The following LRRC19 variants were observed in gnomAD, a reference collection of about 807,000 sequenced individuals.
LRRC19 encodes the protein leucine rich repeat containing 19, also known as leucine-rich repeat-containing protein 19.
A neutral mutation model predicts 33.3 loss-of-function variants in LRRC19; 33 were observed. The observed-to-expected ratio is 0.99, with a 90% CI of 0.75 to 1.33. The LOEUF (loss-of-function observed/expected upper bound fraction) is 1.33. Among genes scored for constraint, LRRC19 ranks in the 40% most tolerant of loss-of-function variants. The probability of loss-of-function intolerance (pLI) is 0.00; values close to 1 mark genes in which losing one functional copy is unlikely to be tolerated. For synonymous variants in LRRC19, 184 were observed against 152.3 expected (o/e 1.21, Z -1.53); for missense variants, 463 against 417.3 (o/e 1.11, Z -0.95).
rs535957398 is a variant in LRRC19 at position 26,996,465 on chromosome 9, G to A, written c.630C>T (p.Asn210=). The A allele has an allele frequency of 1.1e-5, 17 of 1,534,414 alleles. No homozygotes were observed. The East Asian group carries it at 3.0e-4, about 27-fold the overall frequency. The part of the protein sequence containing the change: ...NENITMCSYP[N]SLQSYNIKTV... ...TTTTGATATTGTAGCTCTGCAGGCT[G>A]TTGGGGTAGCTACACATGGTGATGT... Residue 210 remains asparagine (N), a synonymous_variant, in exon 4 of 5, where the codon AAC becomes AAT. Coordinates refer to ENST00000380055, the MANE Select transcript of LRRC19 (RefSeq NM_022901.3).
chr9:26,995,700 C>T lies in LRRC19; in HGVS notation c.934G>A (p.Glu312Lys). The change falls in exon 5 of 5, where the codon GAA becomes AAA. Residue 312 changes from glutamate (E) to lysine (K), a missense_variant. Transcript: ENST00000380055. ...AAACCATCTTCATAGGTTTCTGCTT[C>T]ATGCTCTTCCAGGCGATGATGATTA... ...SYNHHRLEEH[E>K]AETYEDGFTG... 1 of 1,613,886 alleles carries T rather than the reference C, an allele frequency of 6.2e-7. No homozygotes were observed. The highest frequency in any genetic ancestry group is 8.5e-7 in the Non-Finnish European group (1 of 1,179,894).
intron 1 of LRRC19, among the ~76,000 whole-genome samples, chr9:27,005,220 C>A (rs1828704513): frequency 6.6e-6 from 1 of 151,622 alleles, no homozygotes; most frequent in African/African-American, 2.4e-5. Context: ...CTTCAATAAT[C>A]ATCAACTCAT....
intron 1 of LRRC19, among the ~76,000 whole-genome samples, chr9:27,004,111 T>A (rs1017410043): frequency 1.3e-4 from 20 of 152,156 alleles, no homozygotes; most frequent in African/African-American, 4.6e-4. Flanking sequence ...AGTTAAAAGT[T>A]GATATGAAAT....
rs781601799 is a variant in LRRC19, at chr9:26,997,994, T to C, written c.329A>G (p.Tyr110Cys). 6.2e-6 allele frequency: 10 copies of C among 1,613,950 alleles called. No individual in the cohort carries two copies. Among genetic ancestry groups the C allele is most frequent in the Non-Finnish European group, 8.5e-6 (10 of 1,179,946 alleles). ...EILNICRNSIYVIQQGAFLGL... is the reference protein window; with the variant it reads ...EILNICRNSICVIQQGAFLGL... ...TAAAAATGCACCCTGTTGAATTACA[T>C]AGATGGAGTTTCTACAGATATTTAA... is the stretch of plus-strand genomic sequence containing the variant. Residue 110 changes from tyrosine (Y) to cysteine (C), a missense_variant, in exon 3 of 5, where the codon TAT (tyrosine) becomes TGT (cysteine). Tyr to Cys is a radical substitution (Grantham distance 194). Transcript: ENST00000380055.
chr9:27,003,585 C>T (rs1469030124), intron 1 of LRRC19, among the ~76,000 whole-genome samples: 2 of 152,078 alleles, frequency 1.3e-5, no homozygotes, highest in Admixed American at 6.5e-5. Context: ...TAAAGTCTCT[C>T]GCCTCGTTAG....
In LRRC19 at chr9:26,997,912, A is replaced by G. The variant is rs746008174; in HGVS notation, c.411T>C (p.Asn137=). The change falls in exon 3 of 5, where the codon AAT becomes AAC. Residue 137 remains asparagine (N), a synonymous_variant. Transcript: ENST00000380055. The stretch of plus-strand genomic sequence containing the variant: ...TTCTTAGAGGCACAAATACATCAGC[A>G]TTCAGTTGTTCTATTTTGTTTTGGC... ...YLCQNKIEQL[N]ADVFVPLRSL... The G allele has an allele frequency of 6.2e-7, 1 of 1,614,108 alleles. No individual in the cohort carries two copies. The highest frequency in any genetic ancestry group is 8.5e-7 in the Non-Finnish European group (1 of 1,179,996).
At position 26,995,713 on chromosome 9, in the gene LRRC19, G is replaced by A. The variant is rs1396722474; in HGVS notation, c.921C>T (p.Arg307=). The part of the protein sequence containing the change: ...YNILLSYNHH[R]LEEHEAETYE... ...AGGTTTCTGCTTCATGCTCTTCCAGGCGATGATGATTATAACTAAGCAGAA... is the reference window on the plus strand; with the variant it reads ...AGGTTTCTGCTTCATGCTCTTCCAGACGATGATGATTATAACTAAGCAGAA... Residue 307 remains arginine, a synonymous_variant, in exon 5 of 5, where the codon CGC becomes CGT. Transcript: ENST00000380055. 13 of 1,613,806 alleles carry A rather than the reference G, an allele frequency of 8.1e-6. No individual in the cohort carries two copies. The highest frequency in any genetic ancestry group is 1.1e-5 in the Non-Finnish European group (13 of 1,179,880).
rs1389538704 is a variant in LRRC19 at position 26,995,130 on chromosome 9, A to G, written c.*391T>C. Reference sequence around the variant, plus strand: ...CACTTTGACTTCCATATATTAATAAATCCTAAACTTTTATTTCTTTACTGA... The same window carrying G: ...CACTTTGACTTCCATATATTAATAAGTCCTAAACTTTTATTTCTTTACTGA... On this transcript the variant is annotated 3_prime_UTR_variant, in exon 5 of 5. Coordinates refer to ENST00000380055, the MANE Select transcript of LRRC19 (RefSeq NM_022901.3). The G allele has an allele frequency of 1.3e-5, 2 of 154,442 alleles. No homozygotes were observed. Among genetic ancestry groups the G allele is most frequent in the African/African-American group, 4.8e-5 (2 of 41,506 alleles). The allele number at this position is 154,442 out of a possible 1,614,324, so 9.6% of individuals were successfully genotyped here.
Position 26,995,694 on chromosome 9 carries a change from C to G in LRRC19, c.940G>C (p.Glu314Gln). Reference protein sequence around the residue: ...NHHRLEEHEAETYEDGFTGNP... With the variant: ...NHHRLEEHEAQTYEDGFTGNP... ...CCAGTAAAACCATCTTCATAGGTTT[C>G]TGCTTCATGCTCTTCCAGGCGATGA... Residue 314 changes from glutamate (E) to glutamine (Q), a missense_variant, in exon 5 of 5, where the codon GAA (glutamate) becomes CAA (glutamine). Transcript: ENST00000380055. 1 of 1,613,876 alleles carries G rather than the reference C, an allele frequency of 6.2e-7. No homozygotes were observed. The highest frequency in any genetic ancestry group is 1.1e-5 in the South Asian group (1 of 91,074).
chr9:26,993,649 A>C lies in LRRC19; in HGVS notation c.*1872T>G, dbSNP rs1418653311. Reference sequence around the variant, plus strand: ...TCTAAGGAATTGTCAAGTACATACAAATTTTTAAAACTTTATTATATACAT... The same window carrying C: ...TCTAAGGAATTGTCAAGTACATACACATTTTTAAAACTTTATTATATACAT... On this transcript the variant is annotated 3_prime_UTR_variant, in exon 5 of 5. Coordinates refer to ENST00000380055, the MANE Select transcript of LRRC19 (RefSeq NM_022901.3). 6.6e-6 allele frequency: 1 copy of C among 152,360 alleles called. No homozygotes were observed. 9.4% of individuals were successfully genotyped at this position (152,360 alleles called of 1,614,324 possible). A position where few individuals can be genotyped will look rare whatever the true frequency, so the allele number is the denominator to read the frequency against.
At position 26,996,494 on chromosome 9, in the gene LRRC19, C is replaced by T; in HGVS notation, c.601G>A (p.Glu201Lys). ...GGGTAGCTACACATGGTGATGTTCTCATTTTCTAGTAAATCAGAAAGAATA... is the reference window on the plus strand; with the variant it reads ...GGGTAGCTACACATGGTGATGTTCTTATTTTCTAGTAAATCAGAAAGAATA... Reference protein sequence around the residue: ...LNTSNVTLENENITMCSYPNS... With the variant: ...LNTSNVTLENKNITMCSYPNS... Residue 201 changes from glutamate (E) to lysine (K), a missense_variant, in exon 4 of 5, where the codon GAG (glutamate) becomes AAG (lysine). By Grantham distance (56) the Glu-to-Lys change is moderately conservative. Transcript: ENST00000380055. 1 of 1,431,604 alleles carries T rather than the reference C, an allele frequency of 7.0e-7. No individual in the cohort carries two copies. The highest frequency in any genetic ancestry group is 1.4e-5 in the African/African-American group (1 of 69,706). 88.7% of individuals were successfully genotyped at this position (1,431,604 alleles called of 1,614,324 possible). A position where few individuals can be genotyped will look rare whatever the true frequency, so the allele number is the denominator to read the frequency against.
intron 1 of LRRC19, among the ~76,000 whole-genome samples, chr9:27,005,373 A>C (rs1353900737): frequency 1.2e-5 from 1 of 80,620 alleles, no homozygotes; most frequent in Non-Finnish European, 2.2e-5. Flanking sequence ...CCCCCGCAAA[A>C]CAATTACTTA....
chr9:26,999,211 G>A (rs1828340710), intron 2 of LRRC19, among the ~76,000 whole-genome samples: 1 of 152,162 alleles, frequency 6.6e-6, no homozygotes, highest in South Asian at 2.1e-4. Flanking sequence ...TTACTGAACA[G>A]TAAACTAAGA....
rs1425478483 is a variant in LRRC19, at chr9:26,994,117, C to T, written c.*1404G>A. On this transcript the variant is annotated 3_prime_UTR_variant, in exon 5 of 5. Transcript: ENST00000380055. Reference sequence around the variant, plus strand: ...CGTTCTTTGGAATGTTATTGAACTACGAGCTCTTAGTAGATGTAACTGAAA... The same window carrying T: ...CGTTCTTTGGAATGTTATTGAACTATGAGCTCTTAGTAGATGTAACTGAAA... 6.6e-6 allele frequency: 1 copy of T among 152,174 alleles called. No homozygotes were observed. The highest frequency in any genetic ancestry group is 2.4e-5 in the African/African-American group (1 of 41,452). 9.4% of individuals were successfully genotyped at this position (152,174 alleles called of 1,614,324 possible).
rs1354387689 is a variant in LRRC19, at chr9:26,993,384, T to C, written c.*2137A>G. 2 of 152,442 alleles carry C rather than the reference T, an allele frequency of 1.3e-5. No individual in the cohort carries two copies. Among genetic ancestry groups the C allele is most frequent in the Non-Finnish European group, 2.9e-5 (2 of 68,006 alleles). The allele number at this position is 152,442 out of a possible 1,614,324, so 9.4% of individuals were successfully genotyped here. ...TATAATTAAGGTTTAAAACAAAGTA[T>C]AATTGATATATAAAGAAACATTAGC... On this transcript the variant is annotated 3_prime_UTR_variant, in exon 5 of 5. Transcript: ENST00000380055.
In LRRC19 at chr9:26,997,257, AGGAGAGCATCT is replaced by A. The variant is rs1828207257; in HGVS notation, c.595+460_595+470del. ...TAATTTTTCCCCCTGGTAATGGGGA[AGGAGAGCATCT>A]ATGCAGCTGTTACTTTTTAGTGTTT... On this transcript the variant is annotated intron_variant, in intron 3 of 4. Coordinates refer to ENST00000380055, the MANE Select transcript of LRRC19 (RefSeq NM_022901.3). Among the ~76,000 whole-genome samples the A allele has an allele frequency of 1.4e-4, 22 of 151,920 alleles. 1 individual carries two copies. The South Asian group carries it at 4.6e-3, about 32-fold the overall frequency.
At position 26,993,861 on chromosome 9, in the gene LRRC19, C is replaced by T. The variant is rs755791202; in HGVS notation, c.*1660G>A. 7.2e-5 allele frequency: 11 copies of T among 152,034 alleles called. No homozygotes were observed. Among genetic ancestry groups the T allele is most frequent in the Non-Finnish European group, 1.6e-4 (11 of 68,012 alleles). 9.4% of individuals were successfully genotyped at this position (152,034 alleles called of 1,614,324 possible). A position where few individuals can be genotyped will look rare whatever the true frequency, so the allele number is the denominator to read the frequency against. ...GAAAATACCAGAAATATTATTTCAC[C>T]CATCAATATATTTCATTATTTCAGA... On this transcript the variant is annotated 3_prime_UTR_variant, in exon 5 of 5. Coordinates refer to ENST00000380055, the MANE Select transcript of LRRC19 (RefSeq NM_022901.3).
chr9:26,996,542 ATAG>A, intron 3 of LRRC19, 43 bp from the exon 4 acceptor site: 2 of 1,231,816 alleles, frequency 1.6e-6, no homozygotes, highest in Non-Finnish European at 2.1e-6. Context: ...GAGAAAAATA[ATAG>A]TTAACAACAT....
At chr9:27,001,374 A>T (rs1442730553) in intron 1 of LRRC19, among the ~76,000 whole-genome samples, 1 of 151,850 alleles carries the variant, frequency 6.6e-6, no homozygotes, top group Non-Finnish European at 1.5e-5. Flanking sequence ...TAGTTTTTTA[A>T]GGAACCTTCA....
Sources: gnomAD v4.1 joint callset for allele counts (sites outside exome capture counted in the v4.1 genomes callset) on GRCh38, gnomAD v4.1.1 for gene constraint, MANE v1.5 for transcripts, NCBI Gene and HGNC (gene_info 2026-07-23, HGNC 2026-07-21) for gene names.